Variants in PAK1 observed in about 807,000 individuals in gnomAD.
PAK1 encodes the protein p21 (RAC1) activated kinase 1.
Under a neutral mutation model 67.4 loss-of-function variants are expected in PAK1, and 29 were observed. The observed-to-expected ratio is 0.43, with a 90% CI of 0.32 to 0.59. PAK1 has a LOEUF of 0.59. Ranked by LOEUF, PAK1 falls within the 20% of genes least tolerant of loss-of-function variation. The pLI is 0.07. For missense variants in PAK1, 337 were observed against 670.7 expected (o/e 0.50, Z 5.50); for synonymous variants, 223 against 237.4 (o/e 0.94, Z 0.56).
At chr11:77,444,918 T>C (rs1397191770) in intron 1 of PAK1, among the ~76,000 whole-genome samples, 1 of 152,066 alleles carries the variant, frequency 6.6e-6, no homozygotes, top group East Asian at 1.9e-4. Context: ...AAATCCTACC[T>C]GACCAAGTTC....
chr11:77,526,302 T>C, the PAK1 span, among the ~76,000 whole-genome samples: 3 of 152,198 alleles, frequency 2.0e-5, no homozygotes, highest in African/African-American at 4.8e-5. Context: ...GAGATCTTAA[T>C]TGAGGTGAAA....
rs533034726 is a variant in PAK1 at position 77,361,362 on chromosome 11, T to C, written c.478-2345A>G. Among the ~76,000 whole-genome samples the C allele has an allele frequency of 1.1e-3, 172 of 152,258 alleles. 2 individuals are homozygous for C. Among genetic ancestry groups the C allele is most frequent in the African/African-American group, 4.0e-3 (166 of 41,552 alleles). On this transcript the variant is annotated intron_variant, in intron 5 of 14. Coordinates refer to ENST00000356341, the MANE Select transcript of PAK1 (RefSeq NM_002576.5). ...GACTCTGAGACAGAAACATGCTTGG[T>C]ATGTTCCCACAACCCTTAGGAATTC...
At chr11:77,426,841 T>TAAAAAAAAA (rs66931592) in intron 1 of PAK1, among the ~76,000 whole-genome samples, 1 of 128,214 alleles carries the variant, frequency 7.8e-6, no homozygotes, top group Non-Finnish European at 1.6e-5. Context: ...GAGCAATCTT[T>TAAAAAAAAA]AAAAAAAAAA....
intron 6 of PAK1, chr11:77,356,066 C>A: frequency 2.3e-6 from 1 of 427,682 alleles, no homozygotes; most frequent in South Asian, 5.1e-5. Context: ...AGTCTCAGCA[C>A]TAAAGATATT....
chr11:77,409,897 T>C (rs1316985171), intron 1 of PAK1, among the ~76,000 whole-genome samples: 1 of 151,432 alleles, frequency 6.6e-6, no homozygotes, highest in Non-Finnish European at 1.5e-5. Flanking sequence ...AATTTTTAAC[T>C]AAAAAAAAAT....
intron 13 of PAK1, 70 bp from the exon 14 acceptor site, chr11:77,332,937 C>G: frequency 1.4e-6 from 2 of 1,435,340 alleles, no homozygotes; most frequent in South Asian, 2.3e-5. Flanking sequence ...TATACAAGTT[C>G]TAGAAATATG....
chr11:77,343,502 T>A (rs1448280323), intron 10 of PAK1, among the ~76,000 whole-genome samples: 1 of 152,026 alleles, frequency 6.6e-6, no homozygotes, highest in Non-Finnish European at 1.5e-5. Flanking sequence ...AAGGAAAGAT[T>A]TGGGATGTAA....
intron 1 of PAK1, chr11:77,411,804 G>A (rs1372429658): frequency 1.3e-5 from 2 of 152,368 alleles, no homozygotes; most frequent in African/African-American, 4.8e-5. Flanking sequence ...CGGCATCTCT[G>A]GCGATTGTTT....
the PAK1 span, among the ~76,000 whole-genome samples, chr11:77,515,202 C>T: frequency 6.6e-6 from 1 of 152,178 alleles, no homozygotes; most frequent in Admixed American, 6.5e-5. Context: ...GTGTGCCTGG[C>T]AAAAACTGGT....
chr11:77,334,262 A>G (rs1942275593), intron 13 of PAK1, among the ~76,000 whole-genome samples: 1 of 152,220 alleles, frequency 6.6e-6, no homozygotes, highest in African/African-American at 2.4e-5. Flanking sequence ...AGCAATTATC[A>G]TCTTCAAATA....
upstream of PAK1, among the ~76,000 whole-genome samples, chr11:77,477,562 C>A (rs1958072050): frequency 1.8e-4 from 2 of 10,918 alleles, no homozygotes; most frequent in South Asian, 8.8e-3. Context: ...AAAACACCAT[C>A]TCTACAAAAA....
intron 14 of PAK1, among the ~76,000 whole-genome samples, chr11:77,323,770 A>G (rs1179885868): frequency 2.0e-5 from 3 of 152,336 alleles, no homozygotes; most frequent in African/African-American, 7.2e-5. Context: ...ACAATAAGTA[A>G]TTGGTACACT....
the PAK1 span, among the ~76,000 whole-genome samples, chr11:77,491,212 A>G: frequency 2.0e-5 from 3 of 152,148 alleles, no homozygotes; most frequent in Non-Finnish European, 4.4e-5. Context: ...ATTAGAAGGT[A>G]CAAAACTCAA....
the PAK1 span, among the ~76,000 whole-genome samples, chr11:77,494,493 G>A: frequency 6.6e-6 from 1 of 151,700 alleles, no homozygotes; most frequent in South Asian, 2.1e-4. Context: ...CTCCTAAGTA[G>A]CTGGGACTAC....
At chr11:77,476,959 A>C (rs1958066903), upstream of PAK1, 1 of 152,210 alleles carries the variant, frequency 6.6e-6, no homozygotes, top group Non-Finnish European at 1.5e-5. Flanking sequence ...TTAAGCCTAG[A>C]GACAAGAGTG....
chr11:77,387,441 T>C (rs543062898), intron 2 of PAK1, among the ~76,000 whole-genome samples: 2 of 152,304 alleles, frequency 1.3e-5, no homozygotes, highest in Non-Finnish European at 2.9e-5. Flanking sequence ...CTAAGAGAGA[T>C]AGTTATGTTA....
At chr11:77,439,691 A>G (rs950658091) in intron 1 of PAK1, among the ~76,000 whole-genome samples, 2 of 152,176 alleles carry the variant, frequency 1.3e-5, no homozygotes, top group African/African-American at 4.8e-5. Flanking sequence ...ACAATGGGTC[A>G]TTCACTTCCA....
intron 1 of PAK1, among the ~76,000 whole-genome samples, chr11:77,413,323 A>G (rs1043025456): frequency 6.6e-6 from 1 of 152,238 alleles, no homozygotes; most frequent in African/African-American, 2.4e-5. Context: ...AATGATTTAG[A>G]CTAACATATT....
At chr11:77,385,621 C>T (rs1321595837) in intron 2 of PAK1, among the ~76,000 whole-genome samples, 1 of 152,168 alleles carries the variant, frequency 6.6e-6, no homozygotes, top group East Asian at 1.9e-4. Context: ...TTTGGGCAGC[C>T]GTGGCGGGTG....
Sources: allele counts gnomAD v4.1 joint callset (sites outside exome capture counted in the v4.1 genomes callset), GRCh38; gene constraint gnomAD v4.1.1; transcripts MANE v1.5; gene names NCBI Gene and HGNC (gene_info 2026-07-23, HGNC 2026-07-21).